Variants in BLTP3A observed in about 807,000 individuals in gnomAD.
BLTP3A encodes the protein ICBP90 binding protein 1.
At chr6:34,841,269 A>C in the BLTP3A span, among the ~76,000 whole-genome samples, 1 of 151,818 alleles carries the variant, frequency 6.6e-6, no homozygotes, top group Non-Finnish European at 1.5e-5. Context: ...GGGTTTCACT[A>C]TGTTGGCCAG....
At chr6:34,813,813 C>T in the BLTP3A span, among the ~76,000 whole-genome samples, 5 of 152,158 alleles carry the variant, frequency 3.3e-5, no homozygotes, top group African/African-American at 7.2e-5. Flanking sequence ...TTTATCATCA[C>T]GTTGCTGCAG....
chr6:34,805,585 T>C, the BLTP3A span, among the ~76,000 whole-genome samples: 1 of 129,554 alleles, frequency 7.7e-6, no homozygotes, highest in African/African-American at 3.3e-5. Context: ...AGAAGGCGAC[T>C]TGGTCTCAAA....
chr6:34,814,552 G>C, the BLTP3A span, among the ~76,000 whole-genome samples: 2 of 152,176 alleles, frequency 1.3e-5, no homozygotes, highest in African/African-American at 4.8e-5. Context: ...GCAGTCCTTC[G>C]AGTGCTTGAA....
At chr6:34,829,977 T>TTG in the BLTP3A span, among the ~76,000 whole-genome samples, 1 of 151,836 alleles carries the variant, frequency 6.6e-6, no homozygotes, top group Admixed American at 6.6e-5. Context: ...ACTGATTTTT[T>TTG]TGTGTGTGTG....
the BLTP3A span, chr6:34,858,499 A>T: frequency 6.2e-7 from 1 of 1,614,098 alleles, no homozygotes; most frequent in South Asian, 1.1e-5. Flanking sequence ...CAAAGGCCAT[A>T]CCTTGAATTT....
the BLTP3A span, among the ~76,000 whole-genome samples, chr6:34,844,066 C>T: frequency 4.6e-5 from 7 of 151,492 alleles, no homozygotes; most frequent in Admixed American, 6.6e-5. Context: ...CTGCAAGCTC[C>T]GCCTCCCAGG....
chr6:34,808,652 C>T, the BLTP3A span, among the ~76,000 whole-genome samples: 12 of 152,134 alleles, frequency 7.9e-5, no homozygotes, highest in East Asian at 1.4e-3. Flanking sequence ...GACACAGTCA[C>T]GGCTCACTGC....
At chr6:34,824,010 T>C in the BLTP3A span, among the ~76,000 whole-genome samples, 1 of 151,108 alleles carries the variant, frequency 6.6e-6, no homozygotes, top group Non-Finnish European at 1.5e-5. Flanking sequence ...TGGTGTGATC[T>C]TGGCTCACTG....
the BLTP3A span, among the ~76,000 whole-genome samples, chr6:34,870,694 A>G: frequency 6.6e-6 from 1 of 152,098 alleles, no homozygotes; most frequent in Non-Finnish European, 1.5e-5. Flanking sequence ...CTACTTACTA[A>G]TTATGTAATT....
the BLTP3A span, chr6:34,864,057 G>A: frequency 8.1e-6 from 13 of 1,613,898 alleles, no homozygotes; most frequent in African/African-American, 2.7e-5. Flanking sequence ...TGGAGGTGCT[G>A]CACGACTCCG....
chr6:34,818,149 C>T, the BLTP3A span, among the ~76,000 whole-genome samples: 6 of 152,230 alleles, frequency 3.9e-5, no homozygotes, highest in East Asian at 9.7e-4. Flanking sequence ...TGAGCCACCG[C>T]GCCCGGCCAG....
the BLTP3A span, chr6:34,858,387 T>C: frequency 6.2e-7 from 1 of 1,614,086 alleles, no homozygotes; most frequent in Non-Finnish European, 8.5e-7. Context: ...CCTGCCTGCC[T>C]CAGCCTAATA....
At chr6:34,802,091 G>A in the BLTP3A span, among the ~76,000 whole-genome samples, 6 of 152,112 alleles carry the variant, frequency 3.9e-5, no homozygotes, top group African/African-American at 9.7e-5. Flanking sequence ...AGGGAAGATC[G>A]TTTTGAACTT....
At chr6:34,867,726 G>A in the BLTP3A span, 5 of 1,372,362 alleles carry the variant, frequency 3.6e-6, no homozygotes, top group Non-Finnish European at 4.8e-6. Flanking sequence ...CTAGTGCCAA[G>A]TTCTCTCCAG....
At chr6:34,856,966 A>T in the BLTP3A span, 157 of 1,598,458 alleles carry the variant, frequency 9.8e-5, no homozygotes, top group African/African-American at 2.0e-3. Context: ...AAAGAGGTGG[A>T]GCAGTTTACT....
chr6:34,852,520 C>A, the BLTP3A span, among the ~76,000 whole-genome samples: 1 of 151,378 alleles, frequency 6.6e-6, no homozygotes, highest in Non-Finnish European at 1.5e-5. Context: ...AAGACAAAGT[C>A]CCCTGTATTC....
the BLTP3A span, among the ~76,000 whole-genome samples, chr6:34,842,510 C>G: frequency 1.3e-5 from 2 of 152,070 alleles, no homozygotes; most frequent in Admixed American, 6.6e-5. Context: ...TTCGGGGGTG[C>G]AGTGGGGATC....
chr6:34,831,668 A>C, the BLTP3A span, among the ~76,000 whole-genome samples: 4 of 152,176 alleles, frequency 2.6e-5, no homozygotes, highest in Non-Finnish European at 4.4e-5. Context: ...TGATGAAGGT[A>C]GGCATCAATA....
chr6:34,844,456 G>A, the BLTP3A span, among the ~76,000 whole-genome samples: 1 of 152,156 alleles, frequency 6.6e-6, no homozygotes, highest in South Asian at 2.1e-4. Context: ...TGTATTTTTA[G>A]TAAAGACAGG....
Sources: allele counts gnomAD v4.1 joint callset (sites outside exome capture counted in the v4.1 genomes callset), GRCh38; gene constraint gnomAD v4.1.1; transcripts MANE v1.5; gene names NCBI Gene and HGNC (gene_info 2026-07-23, HGNC 2026-07-21).